KCNB2: variants seen among roughly 807,000 people sequenced by gnomAD.
KCNB2 encodes potassium voltage-gated channel subfamily B member 2.
Under a neutral mutation model 61.5 loss-of-function variants are expected in KCNB2, and 15 were observed. That is an observed-to-expected ratio of 0.24 (90% CI 0.16 to 0.38). The LOEUF is 0.38. Ranked by LOEUF, KCNB2 falls within the 10% of genes least tolerant of loss-of-function variation. The pLI is 1.00. For synonymous variants in KCNB2, 457 were observed against 446.0 expected, an observed-to-expected ratio of 1.02 and a Z score of -0.31; for missense variants, 828 against 1,125.2, an observed-to-expected ratio of 0.74 and a Z score of 3.78.
chr8:72,746,486 A>G (rs920261017), intron 2 of KCNB2, among the ~76,000 whole-genome samples: 1 of 152,196 alleles, frequency 6.6e-6, no homozygotes, highest in African/African-American at 2.4e-5. Flanking sequence ...ACAAAGAAAT[A>G]TAAAACAAAC....
intron 2 of KCNB2, among the ~76,000 whole-genome samples, chr8:72,770,289 C>G (rs1405113918): frequency 2.0e-5 from 3 of 152,176 alleles, no homozygotes; most frequent in Non-Finnish European, 4.4e-5. Flanking sequence ...CATGTGCCAT[C>G]TGTGTCCCCA....
At chr8:72,898,338 T>C (rs1806025735) in intron 2 of KCNB2, among the ~76,000 whole-genome samples, 1 of 152,058 alleles carries the variant, frequency 6.6e-6, no homozygotes, top group African/African-American at 2.4e-5. Flanking sequence ...ATATACCTAA[T>C]GTTAAATGAT....
chr8:72,609,080 G>T (rs532231328), intron 2 of KCNB2, among the ~76,000 whole-genome samples: 16 of 152,082 alleles, frequency 1.1e-4, no homozygotes, highest in Non-Finnish European at 1.0e-4. Context: ...AGTATGAGAG[G>T]TTATGGTCTA....
At chr8:72,636,072 G>A (rs560764105) in intron 2 of KCNB2, among the ~76,000 whole-genome samples, 1 of 151,882 alleles carries the variant, frequency 6.6e-6, no homozygotes, top group Middle Eastern at 3.2e-3. Context: ...TGCCGGGAAG[G>A]TTAGCTCTTA....
chr8:72,564,759 G>A (rs1806598569), intron 1 of KCNB2, among the ~76,000 whole-genome samples: 2 of 152,114 alleles, frequency 1.3e-5, no homozygotes, highest in South Asian at 4.1e-4. Flanking sequence ...GAAAAGTTTG[G>A]ACCCACAATC....
chr8:72,633,441 C>T lies in KCNB2; in HGVS notation c.579+65128C>T, dbSNP rs118025401. ...ATTTTAAGGTGCATAACCTTAACTACACCTCCAAAGTGCCATTCGCCATGT... is the reference window on the plus strand; with the variant it reads ...ATTTTAAGGTGCATAACCTTAACTATACCTCCAAAGTGCCATTCGCCATGT... On this transcript the variant is annotated intron_variant, in intron 2 of 2. Coordinates refer to ENST00000523207, the MANE Select transcript of KCNB2 (RefSeq NM_004770.3). Among the ~76,000 whole-genome samples the T allele has an allele frequency of 1.6e-3, 240 of 152,270 alleles. 8 individuals are homozygous for T. The East Asian group carries it at 0.041, about 26-fold the overall frequency.
chr8:72,927,069 G>A (rs1806664796), intron 2 of KCNB2, among the ~76,000 whole-genome samples: 1 of 152,132 alleles, frequency 6.6e-6, no homozygotes, highest in African/African-American at 2.4e-5. Context: ...CATGGAGTGG[G>A]GCCGGAGAAT....
intron 2 of KCNB2, among the ~76,000 whole-genome samples, chr8:72,697,579 A>G (rs1807037791): frequency 6.6e-6 from 1 of 152,134 alleles, no homozygotes; most frequent in South Asian, 2.1e-4. Flanking sequence ...TCAAGGCTGC[A>G]GTGAACTATG....
At chr8:72,847,120 T>A (rs894965094) in intron 2 of KCNB2, among the ~76,000 whole-genome samples, 1 of 152,196 alleles carries the variant, frequency 6.6e-6, no homozygotes, top group Non-Finnish European at 1.5e-5. Context: ...TTGATCTCAC[T>A]GGGACCTGCA....
At chr8:72,584,003 T>C (rs1303852372) in intron 2 of KCNB2, among the ~76,000 whole-genome samples, 1 of 149,790 alleles carries the variant, frequency 6.7e-6, no homozygotes, top group African/African-American at 2.4e-5. Context: ...AATACCTCTT[T>C]TTAAAGTTAA....
intron 2 of KCNB2, among the ~76,000 whole-genome samples, chr8:72,722,822 A>T (rs1207296458): frequency 2.6e-5 from 4 of 152,230 alleles, no homozygotes; most frequent in Admixed American, 6.5e-5. Context: ...TGTATTATTG[A>T]TTAACAAATT....
At chr8:72,794,428 G>A (rs1808994586) in intron 2 of KCNB2, among the ~76,000 whole-genome samples, 1 of 152,016 alleles carries the variant, frequency 6.6e-6, no homozygotes, top group Non-Finnish European at 1.5e-5. Context: ...AGCCGGGCGT[G>A]GTGGCACGTG....
intron 2 of KCNB2, among the ~76,000 whole-genome samples, chr8:72,586,754 A>G (rs1807006514): frequency 6.6e-6 from 1 of 152,250 alleles, no homozygotes; most frequent in Non-Finnish European, 1.5e-5. Context: ...TCCATCAGCC[A>G]TGCTGTCCAG....
Position 72,720,286 on chromosome 8 carries a change from A to C in KCNB2, c.579+151973A>C, listed in dbSNP as rs544462478. Among the ~76,000 whole-genome samples the C allele has an allele frequency of 2.6e-5, 4 of 152,182 alleles. No homozygotes were observed. The East Asian group carries it at 7.7e-4, about 29-fold the overall frequency. On this transcript the variant is annotated intron_variant, in intron 2 of 2. Coordinates refer to ENST00000523207, the MANE Select transcript of KCNB2 (RefSeq NM_004770.3). ...TGTCAAAAAGCAAGAGATAATGGTCATGTATAGAAGACATGTATTCTTCTT... is the reference window on the plus strand; with the variant it reads ...TGTCAAAAAGCAAGAGATAATGGTCCTGTATAGAAGACATGTATTCTTCTT...
intron 2 of KCNB2, among the ~76,000 whole-genome samples, chr8:72,727,255 A>C (rs1013704205): frequency 1.3e-5 from 2 of 152,160 alleles, no homozygotes; most frequent in Admixed American, 6.5e-5. Flanking sequence ...ACACTCACTC[A>C]TTTGCCTAAT....
At chr8:72,849,618 TA>T (rs1234313782) in intron 2 of KCNB2, among the ~76,000 whole-genome samples, 9 of 152,188 alleles carry the variant, frequency 5.9e-5, no homozygotes, top group Admixed American at 2.0e-4. Context: ...TGCTTACTTT[TA>T]AAAAAATCTT....
chr8:72,827,621 A>G (rs2129001583), intron 2 of KCNB2, among the ~76,000 whole-genome samples: 1 of 152,312 alleles, frequency 6.6e-6, no homozygotes, highest in African/African-American at 2.4e-5. Context: ...TGGAGGTACA[A>G]GCCTCAGAAA....
intron 2 of KCNB2, among the ~76,000 whole-genome samples, chr8:72,910,161 T>TTCA (rs1430567584): frequency 3.9e-5 from 6 of 152,218 alleles, no homozygotes; most frequent in Non-Finnish European, 8.8e-5. Context: ...CTTTAATTTC[T>TTCA]TCATTATAAA....
chr8:72,694,630 A>G (rs1806988961), intron 2 of KCNB2, among the ~76,000 whole-genome samples: 1 of 152,178 alleles, frequency 6.6e-6, no homozygotes, highest in Non-Finnish European at 1.5e-5. Flanking sequence ...GAAAATAAAT[A>G]CTAATTCATT....
Sources: allele counts gnomAD v4.1 joint callset (sites outside exome capture counted in the v4.1 genomes callset), GRCh38; gene constraint gnomAD v4.1.1; transcripts MANE v1.5; gene names NCBI Gene and HGNC (gene_info 2026-07-23, HGNC 2026-07-21).